Variants in FRMD8 observed in about 807,000 individuals in gnomAD.
FRMD8 encodes FERM domain-containing protein 8.
Under a neutral mutation model 54.2 loss-of-function variants are expected in FRMD8, and 37 were observed. The ratio of observed to expected loss-of-function variants is 0.68; its 90% CI spans 0.53 to 0.90. FRMD8 has a LOEUF of 0.90. FRMD8 is among the 40% of genes least tolerant of loss of function. The pLI, the probability that FRMD8 is intolerant of heterozygous loss-of-function variation, is 0.00. For synonymous variants in FRMD8, 246 were observed against 286.9 expected (o/e 0.86, Z 1.44); for missense variants, 585 against 653.7 (o/e 0.89, Z 1.15).
the FRMD8 span, among the ~76,000 whole-genome samples, chr11:65,368,269 T>C: frequency 8.5e-5 from 13 of 152,050 alleles, no homozygotes; most frequent in South Asian, 2.7e-3. Context: ...AGAGACGGGG[T>C]TTCACTCTGT....
chr11:65,398,240 C>G lies in FRMD8; in HGVS notation c.803+1220C>G, dbSNP rs569007071. Among the ~76,000 whole-genome samples, 121 of 152,238 alleles carry G rather than the reference C, an allele frequency of 7.9e-4. 1 individual carries two copies. Among genetic ancestry groups the G allele is most frequent in the African/African-American group, 2.8e-3 (117 of 41,522 alleles). On this transcript the variant is annotated intron_variant, in intron 7 of 10. Coordinates refer to ENST00000317568, the MANE Select transcript of FRMD8 (RefSeq NM_031904.5). ...TCTGGAACCCTGGGGTCAAGTGATG[C>G]TCCCGCCTCAGCCTCCCACAGCACT... is the stretch of plus-strand genomic sequence containing the variant.
At chr11:65,374,357 G>C in the FRMD8 span, among the ~76,000 whole-genome samples, 1 of 151,902 alleles carries the variant, frequency 6.6e-6, no homozygotes, top group African/African-American at 2.4e-5. Context: ...GAGCAGGGTA[G>C]CTAAGTAACT....
At chr11:65,401,076 C>T (rs919165867) in intron 9 of FRMD8, among the ~76,000 whole-genome samples, 7 of 152,062 alleles carry the variant, frequency 4.6e-5, no homozygotes, top group African/African-American at 1.4e-4. Context: ...GCAGACTCCA[C>T]GCCGGTGGTG....
intron 10 of FRMD8, among the ~76,000 whole-genome samples, chr11:65,408,026 A>G (rs1024839961): frequency 6.6e-6 from 1 of 151,976 alleles, no homozygotes; most frequent in East Asian, 1.9e-4. Flanking sequence ...ATCTGTTACA[A>G]TGAACATGTC....
chr11:65,381,170 G>T, the FRMD8 span: 3 of 153,100 alleles, frequency 2.0e-5, no homozygotes, highest in South Asian at 2.0e-4. Flanking sequence ...TGCTGGTGTT[G>T]TCCAGGCTGG....
the FRMD8 span, among the ~76,000 whole-genome samples, chr11:65,374,334 ATGTGCCCAGGTGGAGCAGGGTAGC>A: frequency 1.3e-5 from 2 of 152,264 alleles, no homozygotes; most frequent in Non-Finnish European, 1.5e-5. Flanking sequence ...CAGGGTAGCC[ATGTGCCCAGGTGGAGCAGGGTAGC>A]TAAGTAACTG....
chr11:65,374,016 C>A, the FRMD8 span, among the ~76,000 whole-genome samples: 1 of 113,230 alleles, frequency 8.8e-6, no homozygotes, highest in Non-Finnish European at 1.9e-5. Flanking sequence ...AGGGCCTAAA[C>A]TGTTGCAACA....
chr11:65,373,800 C>T, the FRMD8 span, among the ~76,000 whole-genome samples: 10 of 152,122 alleles, frequency 6.6e-5, no homozygotes, highest in Non-Finnish European at 1.5e-4. Flanking sequence ...GTTGCCCAGG[C>T]TGGTCTTGAA....
chr11:65,397,507 T>G (rs1855982626), intron 7 of FRMD8, among the ~76,000 whole-genome samples: 1 of 152,188 alleles, frequency 6.6e-6, no homozygotes, highest in African/African-American at 2.4e-5. Context: ...GGGGTGTGGC[T>G]TGGGCCTTGT....
Position 65,407,567 on chromosome 11 carries a change from C to T in FRMD8, c.1276+2499C>T, listed in dbSNP as rs1477121473. 2.7e-5 allele frequency among the ~76,000 whole-genome samples: 4 copies of T among 150,848 alleles called. No homozygotes were observed. The East Asian group carries it at 8.0e-4, about 30-fold the overall frequency. The stretch of plus-strand genomic sequence containing the variant: ...CACCCGGCCAGAGATCTACATTTTA[C>T]ATGGCAAGATGTTCACAAAATAATA... On this transcript the variant is annotated intron_variant, in intron 10 of 10. Transcript: ENST00000317568.
intron 2 of FRMD8, among the ~76,000 whole-genome samples, chr11:65,388,570 C>G (rs770288861): frequency 2.6e-5 from 4 of 152,164 alleles, no homozygotes; most frequent in Admixed American, 6.5e-5. Context: ...GCCCCAAACT[C>G]CAGTGTTCCT....
the FRMD8 span, among the ~76,000 whole-genome samples, chr11:65,374,109 G>A: frequency 1.3e-5 from 2 of 152,080 alleles, no homozygotes; most frequent in South Asian, 2.1e-4. Flanking sequence ...CCAGGAGTTC[G>A]AGGCCAGCCT....
rs1376631567 is a variant in FRMD8 at position 65,400,209 on chromosome 11, T to C, written c.927+350T>C. Among the ~76,000 whole-genome samples the C allele has an allele frequency of 2.0e-5, 3 of 152,206 alleles. No homozygotes were observed. The highest frequency in any genetic ancestry group is 6.5e-5 in the Admixed American group (1 of 15,278). On this transcript the variant is annotated intron_variant, in intron 8 of 10. Coordinates refer to ENST00000317568, the MANE Select transcript of FRMD8 (RefSeq NM_031904.5). This position sits in a 1 kb window ranked among gnomAD's most constrained non-coding sequence, Gnocchi z 4.3. ...GCCCTCTTGGGCTGACCGTGTCCTC[T>C]TCTTTCTGCGTTTGGTGGCCAGCCC... is the stretch of plus-strand genomic sequence containing the variant.
At chr11:65,382,146 G>A, upstream of FRMD8, 2 of 628,210 alleles carry the variant, frequency 3.2e-6, no homozygotes, top group South Asian at 1.8e-5. The surrounding 1 kb of genome is among the most constrained non-coding windows in gnomAD (Gnocchi z 4.4). Context: ...TGGCCACCTG[G>A]AGGAGTCGTG....
chr11:65,408,787 C>G (rs1002034338), intron 10 of FRMD8, among the ~76,000 whole-genome samples: 3 of 151,804 alleles, frequency 2.0e-5, no homozygotes, highest in African/African-American at 7.3e-5. Flanking sequence ...TTTTTAAATT[C>G]TTTGTCAAGG....
chr11:65,387,220 G>T (rs151230902), intron 2 of FRMD8, 99 bp downstream of exon 2: 1 of 988,596 alleles, frequency 1.0e-6, no homozygotes, highest in East Asian at 2.4e-5. Context: ...GATAATTTAT[G>T]TATCGACTAA....
intron 3 of FRMD8, among the ~76,000 whole-genome samples, chr11:65,393,367 C>T (rs1855879946): frequency 6.6e-6 from 1 of 152,226 alleles, no homozygotes; most frequent in Non-Finnish European, 1.5e-5. Flanking sequence ...TGACTGTGGA[C>T]AAGGAACTTG....
chr11:65,409,921 C>T (rs1386362312), intron 10 of FRMD8, among the ~76,000 whole-genome samples: 1 of 151,820 alleles, frequency 6.6e-6, no homozygotes, highest in Non-Finnish European at 1.5e-5. Context: ...TCTACACAAA[C>T]TAAAAAAACC....
Position 65,412,022 on chromosome 11 carries a change from G to C in FRMD8, c.*662G>C, listed in dbSNP as rs1856345024. ...AATCAGGAATGGAGGGAGCCAGGCAGGGCCCTACCTGGGGTCCTGTGCCCC... is the reference window on the plus strand; with the variant it reads ...AATCAGGAATGGAGGGAGCCAGGCACGGCCCTACCTGGGGTCCTGTGCCCC... On this transcript the variant is annotated 3_prime_UTR_variant, in exon 11 of 11. Transcript: ENST00000317568. 6.6e-6 allele frequency: 1 copy of C among 152,212 alleles called. No individual in the cohort carries two copies. The highest frequency in any genetic ancestry group is 2.4e-5 in the African/African-American group (1 of 41,436). The allele number at this position is 152,212 out of a possible 1,614,324, so 9.4% of individuals were successfully genotyped here.
Sources: gnomAD v4.1 joint callset for allele counts (sites outside exome capture counted in the v4.1 genomes callset) on GRCh38, gnomAD v4.1.1 for gene constraint, Gnocchi (gnomAD v3.1) non-coding constraint, MANE v1.5 for transcripts, NCBI Gene and HGNC (gene_info 2026-07-23, HGNC 2026-07-21) for gene names.